Variants in SEC23A observed in about 807,000 individuals in gnomAD.
SEC23A encodes protein transport protein Sec23A.
In SEC23A, 56 loss-of-function variants were observed where a neutral mutation model predicts 103.7. The observed-to-expected ratio is 0.54, with a 90% confidence interval of 0.44 to 0.67. The LOEUF (loss-of-function observed/expected upper bound fraction) is 0.67. Ranked by LOEUF, SEC23A falls within the 30% of genes least tolerant of loss-of-function variation. The pLI is 0.00. For missense variants in SEC23A, 784 were observed against 936.4 expected, an observed-to-expected ratio of 0.84 and a Z score of 2.12; for synonymous variants, 281 against 293.0, an observed-to-expected ratio of 0.96 and a Z score of 0.42.
At chr14:39,080,799 T>G (rs892572915) in intron 7 of SEC23A, among the ~76,000 whole-genome samples, 1 of 151,778 alleles carries the variant, frequency 6.6e-6, no homozygotes, top group Non-Finnish European at 1.5e-5. Context: ...GACAACTTTA[T>G]AGGAAAAAAT....
intron 1 of SEC23A, among the ~76,000 whole-genome samples, chr14:39,098,651 G>A (rs1334679806): frequency 6.6e-6 from 1 of 151,754 alleles, no homozygotes; most frequent in Non-Finnish European, 1.5e-5. Context: ...GTGAGTGCCT[G>A]TAATCCCAGC....
In SEC23A at chr14:39,074,507, T is replaced by A. The variant is rs371164239; in HGVS notation, c.1011A>T (p.Arg337=). 6.2e-7 allele frequency: 1 copy of A among 1,611,708 alleles called. No homozygotes were observed. Among genetic ancestry groups the A allele is most frequent in the Non-Finnish European group, 8.5e-7 (1 of 1,178,398 alleles). The change falls in exon 9 of 20, where the codon CGA becomes CGT. Residue 337 remains arginine, a synonymous_variant. Coordinates refer to ENST00000307712, the MANE Select transcript of SEC23A (RefSeq NM_006364.4). ...CAATAACATGGCCAGTTGTAGCAGC[T>A]CGATTAGCCAATGCTTCAAAATGCT... ...GTKHFEALAN[R]AATTGHVIDI... is the part of the protein sequence containing the mutation.
chr14:39,063,351 T>A lies in SEC23A; in HGVS notation c.1371A>T (p.Leu457Phe), dbSNP rs1394684797. ...GATTGACAACCTCAAAATATATGGC[T>A]AAGGTTGTAGTGGGACTAAGTCCAC... The part of the protein sequence containing the change: ...KICGLSPTTT[L>F]AIYFEVVNQH... The change falls in exon 12 of 20, where the codon TTA (leucine) becomes TTT (phenylalanine). Residue 457 changes from leucine (L) to phenylalanine (F), a missense_variant. By Grantham distance (22) the Leu-to-Phe change is conservative. Coordinates refer to ENST00000307712, the MANE Select transcript of SEC23A (RefSeq NM_006364.4). 6.2e-7 allele frequency: 1 copy of A among 1,611,470 alleles called. No individual in the cohort carries two copies. Among genetic ancestry groups the A allele is most frequent in the East Asian group, 2.2e-5 (1 of 44,792 alleles).
rs1332197221 is a variant in SEC23A, at chr14:39,086,955, C to T, written c.657G>A (p.Gln219=). 2 of 1,597,628 alleles carry T rather than the reference C, an allele frequency of 1.3e-6. No homozygotes were observed. Among genetic ancestry groups the T allele is most frequent in the Non-Finnish European group, 1.7e-6 (2 of 1,164,926 alleles). The change falls in exon 6 of 20, where the codon CAG becomes CAA. Residue 219 remains glutamine, a synonymous_variant. Transcript: ENST00000307712. The stretch of plus-strand genomic sequence containing the variant: ...TGTTGGAAGGAGGTGGCTGCTGTAC[C>T]TGAGGACCACGTGTTGCTTGAGTAA... ...VPLTQATRGP[Q]VQQPPPSNRF... is the part of the protein sequence containing the mutation.
chr14:39,099,401 G>A lies in SEC23A; in HGVS notation c.-21-3262C>T, dbSNP rs573776314. Among the ~76,000 whole-genome samples, 8 of 151,942 alleles carry A rather than the reference G, an allele frequency of 5.3e-5. No homozygotes were observed. The East Asian group carries it at 5.8e-4, about 11-fold the overall frequency. On this transcript the variant is annotated intron_variant, in intron 1 of 19. Transcript: ENST00000307712. ...TCTCAATTGTCTGACCTCGTGATCC[G>A]CCGGCCTCGGCCTCCCAAAGTGCTG...
At chr14:39,042,754 A>G (rs759530040) in intron 17 of SEC23A, 32 bp downstream of exon 17, 5 of 1,355,594 alleles carry the variant, frequency 3.7e-6, no homozygotes, top group Non-Finnish European at 5.3e-6. Context: ...AAGACTTTAC[A>G]TGCATAGCTT....
At chr14:39,041,029 A>T in intron 17 of SEC23A, 142 bp from the exon 18 acceptor site, 1 of 803,134 alleles carries the variant, frequency 1.2e-6, no homozygotes, top group Non-Finnish European at 1.8e-6. Flanking sequence ...TAAAAGTTAC[A>T]ATTTCAGTAG....
intron 1 of SEC23A, among the ~76,000 whole-genome samples, chr14:39,100,978 G>C (rs1022322728): frequency 6.6e-6 from 1 of 151,718 alleles, no homozygotes; most frequent in Non-Finnish European, 1.5e-5. Flanking sequence ...CCAGTAGCTG[G>C]GATTACAGGC....
intron 1 of SEC23A, among the ~76,000 whole-genome samples, chr14:39,097,972 C>T (rs1209795578): frequency 6.6e-6 from 1 of 151,934 alleles, no homozygotes. Context: ...ACCTGTAATC[C>T]CAGCTACTCA....
chr14:39,074,354 A>T, intron 9 of SEC23A, 61 bp downstream of exon 9: 1 of 1,038,076 alleles, frequency 9.6e-7, no homozygotes, highest in Non-Finnish European at 1.5e-6. Context: ...TTATTGGTTT[A>T]TATCAGTAAA....
intron 1 of SEC23A, among the ~76,000 whole-genome samples, chr14:39,098,953 T>C (rs926338310): frequency 5.9e-5 from 9 of 151,736 alleles, no homozygotes; most frequent in Non-Finnish European, 1.2e-4. Flanking sequence ...TTAAAATAGC[T>C]GAAACACAAA....
intron 7 of SEC23A, among the ~76,000 whole-genome samples, chr14:39,084,922 C>G: frequency 6.6e-6 from 1 of 152,212 alleles, no homozygotes; most frequent in East Asian, 1.9e-4. Context: ...CTGCCCACCT[C>G]AGCCTCCCAA....
intron 14 of SEC23A, 47 bp from the exon 15 acceptor site, chr14:39,048,776 C>T (rs1885937860): frequency 9.9e-7 from 1 of 1,005,198 alleles, no homozygotes; most frequent in Non-Finnish European, 1.6e-6. Flanking sequence ...GGAATAAAAG[C>T]TAACACTGTT....
intron 7 of SEC23A, among the ~76,000 whole-genome samples, chr14:39,084,454 T>C (rs1274845772): frequency 6.6e-6 from 1 of 152,212 alleles, no homozygotes; most frequent in African/African-American, 2.4e-5. Flanking sequence ...GTACAGGATA[T>C]ATACAAAACA....
chr14:39,082,102 G>A (rs1280064241), intron 7 of SEC23A, among the ~76,000 whole-genome samples: 1 of 152,104 alleles, frequency 6.6e-6, no homozygotes, highest in East Asian at 1.9e-4. Context: ...GGACCCAGAA[G>A]CAGCTTGAAG....
intron 14 of SEC23A, among the ~76,000 whole-genome samples, chr14:39,050,615 T>C (rs1186803620): frequency 2.6e-5 from 4 of 152,122 alleles, no homozygotes; most frequent in Non-Finnish European, 5.9e-5. Flanking sequence ...AGGTCAGAGA[T>C]GAATCAGCCA....
chr14:39,055,347 A>G, intron 13 of SEC23A, 51 bp from the exon 14 acceptor site: 1 of 1,562,398 alleles, frequency 6.4e-7, no homozygotes, highest in Non-Finnish European at 8.8e-7. Context: ...TATACCCACA[A>G]TATCATAGTT....
chr14:39,082,818 T>C (rs1887273212), intron 7 of SEC23A, among the ~76,000 whole-genome samples: 2 of 152,180 alleles, frequency 1.3e-5, no homozygotes, highest in Non-Finnish European at 2.9e-5. Flanking sequence ...ATTACGAGAA[T>C]ACTTCAAGAC....
chr14:39,078,125 A>T (rs929211952), intron 7 of SEC23A, among the ~76,000 whole-genome samples: 5 of 151,676 alleles, frequency 3.3e-5, no homozygotes, highest in Non-Finnish European at 5.9e-5. Flanking sequence ...GCATGATGGG[A>T]CATGCTATAG....
Sources: gnomAD v4.1 joint callset for allele counts (sites outside exome capture counted in the v4.1 genomes callset) on GRCh38, gnomAD v4.1.1 for gene constraint, MANE v1.5 for transcripts, NCBI Gene and HGNC (gene_info 2026-07-23, HGNC 2026-07-21) for gene names.